The following PLXDC2 variants were observed in gnomAD, a reference collection of about 807,000 sequenced individuals.
PLXDC2 encodes the protein plexin domain containing 2.
Under a neutral mutation model 68.9 loss-of-function variants are expected in PLXDC2, and 40 were observed. The ratio of observed to expected loss-of-function variants is 0.58; its 90% CI spans 0.45 to 0.76. The LOEUF (loss-of-function observed/expected upper bound fraction) is 0.76. PLXDC2 is among the 30% of genes least tolerant of loss of function. PLXDC2 has a pLI of 0.00. For missense variants in PLXDC2, 644 were observed against 661.9 expected, an observed-to-expected ratio of 0.97 and a Z score of 0.30; for synonymous variants, 243 against 234.2, an observed-to-expected ratio of 1.04 and a Z score of -0.34.
At chr10:19,862,806 A>G (rs1837341265) in intron 1 of PLXDC2, among the ~76,000 whole-genome samples, 1 of 152,148 alleles carries the variant, frequency 6.6e-6, no homozygotes, top group South Asian at 2.1e-4. Flanking sequence ...GTAGTTTTGC[A>G]TATGTTTCTT....
chr10:19,989,698 A>T (rs1834713645), intron 1 of PLXDC2, among the ~76,000 whole-genome samples: 1 of 151,752 alleles, frequency 6.6e-6, no homozygotes, highest in Non-Finnish European at 1.5e-5. Context: ...TTTTTAAAAA[A>T]GTATTTTAAT....
At chr10:19,892,712 C>T (rs1004146783) in intron 1 of PLXDC2, among the ~76,000 whole-genome samples, 23 of 152,130 alleles carry the variant, frequency 1.5e-4, no homozygotes, top group Non-Finnish European at 8.8e-5. Context: ...CGGATTTCTT[C>T]TGCTTTCTCC....
chr10:20,254,247 C>G (rs1055809770), intron 13 of PLXDC2, among the ~76,000 whole-genome samples: 1 of 152,144 alleles, frequency 6.6e-6, no homozygotes, highest in Non-Finnish European at 1.5e-5. Context: ...TCAACTTTTC[C>G]TGGCAACTAA....
At chr10:19,856,365 AACACACACACACAGACAC>A (rs1004341059) in intron 1 of PLXDC2, among the ~76,000 whole-genome samples, 4 of 132,036 alleles carry the variant, frequency 3.0e-5, no homozygotes, top group African/African-American at 1.2e-4. Flanking sequence ...TACACACACA[AACACACACACACAGACAC>A]ACACACACAC....
At chr10:19,898,164 G>T (rs1471325096) in intron 1 of PLXDC2, among the ~76,000 whole-genome samples, 1 of 152,114 alleles carries the variant, frequency 6.6e-6, no homozygotes, top group Non-Finnish European at 1.5e-5. Context: ...AGGGAAGCTA[G>T]TTTATTTTTT....
At chr10:19,902,377 G>A (rs1351820499) in intron 1 of PLXDC2, among the ~76,000 whole-genome samples, 5 of 152,022 alleles carry the variant, frequency 3.3e-5, no homozygotes. Flanking sequence ...TCCTTGTAGA[G>A]GTCTTTGACC....
chr10:19,859,217 A>G (rs1313236831), intron 1 of PLXDC2, among the ~76,000 whole-genome samples: 1 of 152,152 alleles, frequency 6.6e-6, no homozygotes, highest in Non-Finnish European at 1.5e-5. Context: ...TGGGGACCAG[A>G]TTTCACCATG....
chr10:20,217,664 G>C, intron 11 of PLXDC2, 88 bp downstream of exon 11: 1 of 1,366,252 alleles, frequency 7.3e-7, no homozygotes. Flanking sequence ...ACATGTACTG[G>C]AATAGCTCCT....
At chr10:20,243,351 A>T (rs978357897) in intron 12 of PLXDC2, among the ~76,000 whole-genome samples, 5 of 152,212 alleles carry the variant, frequency 3.3e-5, no homozygotes, top group African/African-American at 1.2e-4. Flanking sequence ...AAGTAATACA[A>T]CTATCCCTGA....
chr10:19,913,138 TG>T (rs1833304500), intron 1 of PLXDC2, among the ~76,000 whole-genome samples: 1 of 152,184 alleles, frequency 6.6e-6, no homozygotes, highest in Non-Finnish European at 1.5e-5. Context: ...GGTTTGGATT[TG>T]TGTTCCTGCC....
intron 6 of PLXDC2, among the ~76,000 whole-genome samples, chr10:20,159,041 GT>G (rs1174294896): frequency 6.6e-6 from 1 of 152,152 alleles, no homozygotes; most frequent in African/African-American, 2.4e-5. Flanking sequence ...AAAGAGTACA[GT>G]TTTAGAAATC....
intron 7 of PLXDC2, among the ~76,000 whole-genome samples, chr10:20,173,851 A>G (rs191491588): frequency 2.1e-4 from 32 of 152,348 alleles, no homozygotes; most frequent in Admixed American, 2.6e-4. Flanking sequence ...GAAATACTAC[A>G]TAAATGACCA....
At chr10:20,231,956 G>A (rs1455395053) in intron 12 of PLXDC2, among the ~76,000 whole-genome samples, 2 of 151,018 alleles carry the variant, frequency 1.3e-5, no homozygotes, top group African/African-American at 4.9e-5. Context: ...AGACTGACTT[G>A]ATCACCTCAC....
chr10:19,823,706 G>A (rs572943308), intron 1 of PLXDC2, among the ~76,000 whole-genome samples: 1 of 152,216 alleles, frequency 6.6e-6, no homozygotes, highest in African/African-American at 2.4e-5. Flanking sequence ...TTGTTTTGAG[G>A]TGAGGTTCAG....
intron 9 of PLXDC2, among the ~76,000 whole-genome samples, chr10:20,184,368 T>G (rs1309353887): frequency 1.4e-5 from 2 of 147,980 alleles, no homozygotes; most frequent in South Asian, 2.1e-4. Context: ...TTATATGTAA[T>G]ATATAAATTA....
At chr10:20,045,560 C>T (rs1389993312) in intron 2 of PLXDC2, among the ~76,000 whole-genome samples, 1 of 152,002 alleles carries the variant, frequency 6.6e-6, no homozygotes, top group Non-Finnish European at 1.5e-5. Context: ...AGTCATGAGG[C>T]AAAATCTATT....
intron 1 of PLXDC2, among the ~76,000 whole-genome samples, chr10:19,860,214 G>T (rs1837293413): frequency 1.3e-5 from 2 of 152,184 alleles, no homozygotes; most frequent in Admixed American, 6.5e-5. Flanking sequence ...GCAGGGTGCA[G>T]TTTGCAATCA....
intron 2 of PLXDC2, among the ~76,000 whole-genome samples, chr10:20,029,451 T>G (rs1038604442): frequency 1.3e-5 from 2 of 152,216 alleles, no homozygotes; most frequent in South Asian, 4.1e-4. Flanking sequence ...TATATTGGAC[T>G]ATAGTCTCTT....
chr10:20,258,605 C>T (rs145928587), intron 13 of PLXDC2, among the ~76,000 whole-genome samples: 6 of 152,078 alleles, frequency 3.9e-5, no homozygotes, highest in African/African-American at 1.4e-4. Flanking sequence ...CACTCGTTCT[C>T]TTCACTATAG....
Sources: allele counts gnomAD v4.1 joint callset (sites outside exome capture counted in the v4.1 genomes callset), GRCh38; gene constraint gnomAD v4.1.1; transcripts MANE v1.5; gene names NCBI Gene and HGNC (gene_info 2026-07-23, HGNC 2026-07-21).